ATP10B: variants seen among roughly 807,000 people sequenced by gnomAD.
The protein encoded by ATP10B is ATPase phospholipid transporting 10B (putative).
ATP10B carries 122 observed loss-of-function variants against 141.2 expected under a neutral mutation model. The ratio of observed to expected loss-of-function variants is 0.86; its 90% CI spans 0.75 to 1.00. ATP10B has a LOEUF of 1.00. Ranked by LOEUF, ATP10B falls within the 50% of genes least tolerant of loss-of-function variation. The pLI, the probability that ATP10B is intolerant of heterozygous loss-of-function variation, is 0.00. For synonymous variants in ATP10B, 685 were observed against 692.0 expected (o/e 0.99, Z 0.16); for missense variants, 1,876 against 1,825.3 (o/e 1.03, Z -0.51).
chr5:160,759,195 T>A (rs1768852318), intron 2 of ATP10B, among the ~76,000 whole-genome samples: 1 of 152,248 alleles, frequency 6.6e-6, no homozygotes, highest in Non-Finnish European at 1.5e-5. Flanking sequence ...CCTTATTATC[T>A]GACTTGAATC....
rs1428761455 is a variant in ATP10B at position 160,565,509 on chromosome 5, A to G, written c.4330T>C (p.Cys1444Arg). The G allele has an allele frequency of 1.9e-6, 3 of 1,613,980 alleles. No homozygotes were observed. The highest frequency in any genetic ancestry group is 2.7e-5 in the African/African-American group (2 of 74,930). ...MAYSRGQTDM[C>R]RCSKRSSHRR... ...TGGCTGCTCCTCTTTGAGCACCGGCACATATCAGTCTGTCCTCTTGAGTAG... is the reference window on the plus strand; with the variant it reads ...TGGCTGCTCCTCTTTGAGCACCGGCGCATATCAGTCTGTCCTCTTGAGTAG... Residue 1444 changes from cysteine (C) to arginine (R), a missense_variant, in exon 26 of 26, where the codon TGC becomes CGC. Transcript: ENST00000327245.
the ATP10B span, among the ~76,000 whole-genome samples, chr5:160,900,919 T>G: frequency 6.7e-6 from 1 of 149,652 alleles, no homozygotes; most frequent in Non-Finnish European, 1.5e-5. Context: ...TTTTTTTTTT[T>G]TTTTTTTTTT....
At chr5:160,762,850 A>C (rs1769142051) in intron 2 of ATP10B, among the ~76,000 whole-genome samples, 1 of 152,154 alleles carries the variant, frequency 6.6e-6, no homozygotes, top group Non-Finnish European at 1.5e-5. Context: ...ACATAAACTT[A>C]AGATAAAGGG....
At chr5:160,696,562 C>T (rs1169535626) in intron 3 of ATP10B, among the ~76,000 whole-genome samples, 1 of 152,120 alleles carries the variant, frequency 6.6e-6, no homozygotes, top group Non-Finnish European at 1.5e-5. Context: ...TTGGCCTACA[C>T]CTCTATGTCT....
At chr5:160,596,596 T>C (rs1329397816) in intron 22 of ATP10B, among the ~76,000 whole-genome samples, 1 of 148,664 alleles carries the variant, frequency 6.7e-6, no homozygotes, top group African/African-American at 2.5e-5. Context: ...AAAGAGGAAG[T>C]CAAATTGTCC....
chr5:160,750,381 A>G (rs1025029071), intron 2 of ATP10B, among the ~76,000 whole-genome samples: 2 of 152,256 alleles, frequency 1.3e-5, no homozygotes, highest in African/African-American at 4.8e-5. Flanking sequence ...CCGCTCCTCC[A>G]TCACTGACTC....
chr5:160,781,265 A>G (rs1325393824), intron 2 of ATP10B, among the ~76,000 whole-genome samples: 2 of 152,180 alleles, frequency 1.3e-5, no homozygotes, highest in East Asian at 3.9e-4. Flanking sequence ...CTGCATTTCT[A>G]AGGAAGTAGT....
At chr5:160,830,515 C>T (rs1035836185) in intron 1 of ATP10B, among the ~76,000 whole-genome samples, 53 of 152,126 alleles carry the variant, frequency 3.5e-4, no homozygotes, top group Middle Eastern at 3.4e-3. Flanking sequence ...CAATGCTTTG[C>T]TTTTTCAAGT....
the ATP10B span, among the ~76,000 whole-genome samples, chr5:160,928,376 G>A: frequency 6.6e-6 from 1 of 152,156 alleles, no homozygotes; most frequent in Non-Finnish European, 1.5e-5. Context: ...CATGGTCACT[G>A]GGGATTGGGG....
chr5:160,897,330 C>A, the ATP10B span, among the ~76,000 whole-genome samples: 1 of 152,190 alleles, frequency 6.6e-6, no homozygotes, highest in South Asian at 2.1e-4. Flanking sequence ...AGCTGATAAG[C>A]AACTTCAGCT....
intron 2 of ATP10B, among the ~76,000 whole-genome samples, chr5:160,766,080 AG>A (rs971013715): frequency 1.3e-5 from 2 of 152,190 alleles, no homozygotes; most frequent in African/African-American, 4.8e-5. Context: ...TGTGGTGAAA[AG>A]GGAACACTTT....
intron 25 of ATP10B, among the ~76,000 whole-genome samples, chr5:160,568,705 T>G (rs941955834): frequency 6.6e-6 from 1 of 152,164 alleles, no homozygotes; most frequent in Non-Finnish European, 1.5e-5. Context: ...AGTGGGGTAC[T>G]AGAACCATAG....
chr5:160,629,948 A>G (rs1028696413), intron 13 of ATP10B, among the ~76,000 whole-genome samples: 1 of 152,342 alleles, frequency 6.6e-6, no homozygotes, highest in Admixed American at 6.5e-5. Context: ...TCAGGTGGTG[A>G]AAGAGACATA....
At chr5:160,609,319 TG>T (rs1757579096) in intron 18 of ATP10B, among the ~76,000 whole-genome samples, 1 of 152,024 alleles carries the variant, frequency 6.6e-6, no homozygotes, top group East Asian at 1.9e-4. Context: ...GGGCCAGGGT[TG>T]GGGAACATTG....
At chr5:160,754,852 C>G (rs1768406158) in intron 2 of ATP10B, among the ~76,000 whole-genome samples, 1 of 152,128 alleles carries the variant, frequency 6.6e-6, no homozygotes, top group South Asian at 2.1e-4. Context: ...AAAAAGGCAG[C>G]CAAAGATCAC....
At chr5:160,850,742 A>T (rs1372267339) in intron 1 of ATP10B, among the ~76,000 whole-genome samples, 1 of 152,200 alleles carries the variant, frequency 6.6e-6, no homozygotes, top group African/African-American at 2.4e-5. Flanking sequence ...GAGCCTATTA[A>T]TCCACCCATA....
At chr5:160,725,143 A>T (rs1766246251) in intron 2 of ATP10B, among the ~76,000 whole-genome samples, 2 of 152,230 alleles carry the variant, frequency 1.3e-5, no homozygotes, top group Non-Finnish European at 2.9e-5. Flanking sequence ...ATGATGTCTG[A>T]TTTAGGAAAG....
the ATP10B span, among the ~76,000 whole-genome samples, chr5:160,902,886 A>G: frequency 4.6e-5 from 7 of 152,196 alleles, 1 homozygote; most frequent in African/African-American, 9.7e-5. Context: ...CCTCTGTGTA[A>G]GCCTTGGAAG....
the ATP10B span, among the ~76,000 whole-genome samples, chr5:160,857,825 A>T: frequency 6.6e-6 from 1 of 151,860 alleles, no homozygotes; most frequent in Non-Finnish European, 1.5e-5. Flanking sequence ...TTATCTTTCT[A>T]TAACTAATTT....
Sources: gnomAD v4.1 joint callset for allele counts (sites outside exome capture counted in the v4.1 genomes callset) on GRCh38, gnomAD v4.1.1 for gene constraint, MANE v1.5 for transcripts, NCBI Gene and HGNC (gene_info 2026-07-23, HGNC 2026-07-21) for gene names.